The following MAGI2 variants were observed in gnomAD, a reference collection of about 807,000 sequenced individuals.
MAGI2 encodes the protein membrane associated guanylate kinase, WW and PDZ domain containing 2, also known as membrane-associated guanylate kinase, WW and PDZ domain-containing protein 2.
Under a neutral mutation model 133.3 loss-of-function variants are expected in MAGI2, and 35 were observed. The observed-to-expected ratio is 0.26, with a 90% confidence interval of 0.20 to 0.35. The LOEUF (loss-of-function observed/expected upper bound fraction) is 0.35, where lower values mean the gene tolerates loss of function less well. Ranked by LOEUF, MAGI2 falls within the 10% of genes least tolerant of loss-of-function variation. MAGI2 has a pLI of 1.00. For missense variants in MAGI2, 1,636 were observed against 1,863.4 expected, an observed-to-expected ratio of 0.88 and a Z score of 2.25; for synonymous variants, 729 against 710.6, an observed-to-expected ratio of 1.03 and a Z score of -0.41.
intron 4 of MAGI2, among the ~76,000 whole-genome samples, chr7:78,513,810 C>T (rs1301894929): frequency 1.3e-5 from 2 of 151,950 alleles, no homozygotes; most frequent in Non-Finnish European, 2.9e-5. Flanking sequence ...TGAAGAGGGC[C>T]GGGTGCGGTG....
At chr7:78,571,712 G>A (rs994170703) in intron 3 of MAGI2, among the ~76,000 whole-genome samples, 1 of 151,984 alleles carries the variant, frequency 6.6e-6, no homozygotes, top group African/African-American at 2.4e-5. Context: ...AAGAAAAATA[G>A]GAGGAAGAAA....
chr7:79,263,753 A>G (rs1286196071), intron 1 of MAGI2, among the ~76,000 whole-genome samples: 1 of 152,136 alleles, frequency 6.6e-6, no homozygotes, highest in Non-Finnish European at 1.5e-5. Context: ...TTTTTCATTG[A>G]CACCCTGAGG....
intron 9 of MAGI2, among the ~76,000 whole-genome samples, chr7:78,295,053 G>A (rs1371968875): frequency 1.3e-5 from 2 of 152,048 alleles, no homozygotes; most frequent in Non-Finnish European, 1.5e-5. Context: ...GCAAAATAAT[G>A]AGCCTCATCT....
intron 21 of MAGI2, among the ~76,000 whole-genome samples, chr7:78,070,154 CAT>C (rs1179305494): frequency 1.2e-3 from 144 of 118,328 alleles, no homozygotes; most frequent in African/African-American, 4.2e-3. Context: ...TATATACACA[CAT>C]ATATATACAC....
chr7:78,196,059 C>T (rs970551754), intron 11 of MAGI2, among the ~76,000 whole-genome samples: 4 of 152,196 alleles, frequency 2.6e-5, no homozygotes, highest in Non-Finnish European at 4.4e-5. Flanking sequence ...GGTCTGCTCA[C>T]CTTCCTCATA....
intron 6 of MAGI2, among the ~76,000 whole-genome samples, chr7:78,371,769 G>T (rs569608977): frequency 2.2e-4 from 34 of 152,086 alleles, no homozygotes; most frequent in African/African-American, 7.5e-4. Flanking sequence ...AACATGTTTT[G>T]TGTGTTCGTT....
chr7:78,044,256 T>C (rs1811162775), intron 21 of MAGI2, among the ~76,000 whole-genome samples: 2 of 152,210 alleles, frequency 1.3e-5, no homozygotes, highest in African/African-American at 2.4e-5. Flanking sequence ...TAAGTAGACA[T>C]ATGGCTGCTT....
At chr7:78,461,916 C>CAAAAAAAAAAAAAAAAAAAAAAAAAAA (rs55811983) in intron 6 of MAGI2, among the ~76,000 whole-genome samples, 5 of 30,536 alleles carry the variant, frequency 1.6e-4, no homozygotes, top group Admixed American at 4.5e-4. Flanking sequence ...AATTCCGTCT[C>CAAAAAAAAAAAAAAAAAAAAAAAAAAA]AAAAAAAAAA....
At chr7:78,711,610 T>TTTATTG (rs4021885) in intron 2 of MAGI2, among the ~76,000 whole-genome samples, 37,791 of 151,656 alleles carry the variant, frequency 0.25, 5,420 homozygotes, top group East Asian at 0.38. Flanking sequence ...CGATGGAGTC[T>TTTATTG]TTAGGTCCCC....
chr7:78,544,900 T>C (rs1281697441), intron 3 of MAGI2, among the ~76,000 whole-genome samples: 1 of 151,616 alleles, frequency 6.6e-6, no homozygotes, highest in African/African-American at 2.4e-5. Flanking sequence ...TTCAGGTGAT[T>C]TGCCTGCTTT....
In MAGI2 at chr7:79,342,296, C is replaced by T. The variant is rs762408357; in HGVS notation, c.301+110724G>A. Among the ~76,000 whole-genome samples, 6 of 152,182 alleles carry T rather than the reference C, an allele frequency of 3.9e-5. No individual in the cohort carries two copies. In the South Asian group the frequency reaches 8.3e-4, roughly 21 times the overall value. On this transcript the variant is annotated intron_variant, in intron 1 of 21. Transcript: ENST00000354212. ...TTATTCGTTCTCTGCAAGAATAACT[C>T]GGTCCCCTGTGTTAAAATAGAGTAT...
chr7:78,999,504 T>C (rs908423347), intron 2 of MAGI2, among the ~76,000 whole-genome samples: 5 of 152,212 alleles, frequency 3.3e-5, no homozygotes, highest in African/African-American at 4.8e-5. Context: ...GATACATTCA[T>C]TTTGTTTAAT....
At chr7:78,753,547 T>C (rs2151283382) in intron 2 of MAGI2, among the ~76,000 whole-genome samples, 1 of 152,122 alleles carries the variant, frequency 6.6e-6, no homozygotes, top group South Asian at 2.1e-4. Flanking sequence ...AATATTTAAA[T>C]ACATAATAGC....
At position 79,174,705 on chromosome 7, in the gene MAGI2, G is replaced by T. The variant is rs746670794; in HGVS notation, c.302-167499C>A. Among the ~76,000 whole-genome samples the T allele has an allele frequency of 1.6e-4, 24 of 150,108 alleles. 1 individual carries two copies. Among genetic ancestry groups the T allele is most frequent in the Non-Finnish European group, 2.7e-4 (18 of 67,672 alleles). ...AAAAAATTTAAATTTTTTAAAAAAA[G>T]AAATAAATTATTAAAAAAACACTCA... is the stretch of plus-strand genomic sequence containing the variant. On this transcript the variant is annotated intron_variant, in intron 1 of 21. Coordinates refer to ENST00000354212, the MANE Select transcript of MAGI2 (RefSeq NM_012301.4).
intron 6 of MAGI2, among the ~76,000 whole-genome samples, chr7:78,392,925 T>C (rs1002227538): frequency 1.3e-5 from 2 of 152,120 alleles, no homozygotes; most frequent in Non-Finnish European, 2.9e-5. Context: ...CCTCCCAAAG[T>C]GCTGGGATTA....
At chr7:78,394,851 G>A (rs1240128518) in intron 6 of MAGI2, among the ~76,000 whole-genome samples, 1 of 152,180 alleles carries the variant, frequency 6.6e-6, no homozygotes, top group Non-Finnish European at 1.5e-5. Context: ...TTGCAGGAAT[G>A]GAAAGAGCAC....
In MAGI2 at chr7:79,453,563, A is replaced by G; in HGVS notation, c.-243T>C. 1 of 1,239,488 alleles carries G rather than the reference A, an allele frequency of 8.1e-7. No individual in the cohort carries two copies. Among genetic ancestry groups the G allele is most frequent in the Non-Finnish European group, 1.0e-6 (1 of 990,664 alleles). 76.8% of individuals were successfully genotyped at this position (1,239,488 alleles called of 1,614,324 possible). On this transcript the variant is annotated 5_prime_UTR_variant, in exon 1 of 22. Transcript: ENST00000354212. ...ATGAGGTTGTGCTGTCCCTTGAATG[A>G]CACTCAAGGCTGTGGCCCCGCAGCA... is the stretch of plus-strand genomic sequence containing the variant.
In MAGI2 at chr7:78,894,343, A is replaced by G. The variant is rs563291657; in HGVS notation, c.418+112747T>C. On this transcript the variant is annotated intron_variant, in intron 2 of 21. Transcript: ENST00000354212. ...CGTGAACCCGGGTGGCAGAGCTTGCAGTGAGCGGAGATCGCACATGGGCGA... is the reference window on the plus strand; with the variant it reads ...CGTGAACCCGGGTGGCAGAGCTTGCGGTGAGCGGAGATCGCACATGGGCGA... Among the ~76,000 whole-genome samples the G allele has an allele frequency of 1.1e-4, 17 of 152,336 alleles. No individual in the cohort carries two copies. The South Asian group carries it at 3.5e-3, about 32-fold the overall frequency.
chr7:78,451,984 G>T (rs1390908156), intron 6 of MAGI2, among the ~76,000 whole-genome samples: 1 of 152,002 alleles, frequency 6.6e-6, no homozygotes, highest in South Asian at 2.1e-4. Context: ...TGACTTCAAG[G>T]TTTCCTTTAT....
Sources: gnomAD v4.1 joint callset for allele counts (sites outside exome capture counted in the v4.1 genomes callset) on GRCh38, gnomAD v4.1.1 for gene constraint, MANE v1.5 for transcripts, NCBI Gene and HGNC (gene_info 2026-07-23, HGNC 2026-07-21) for gene names.